The following AGBL1 variants were observed in gnomAD, a reference collection of about 807,000 sequenced individuals.
AGBL1 encodes AGBL carboxypeptidase 1, also known as cytosolic carboxypeptidase 4.
AGBL1 carries 130 observed loss-of-function variants against 118.9 expected under a neutral mutation model. The observed-to-expected ratio is 1.09, with a 90% CI of 0.95 to 1.26. The LOEUF is 1.26. Ranked by LOEUF, AGBL1 falls within the 50% of genes most tolerant of loss-of-function variation. The pLI, the probability that AGBL1 is intolerant of heterozygous loss-of-function variation, is 0.00. For synonymous variants in AGBL1, 555 were observed against 478.9 expected (o/e 1.16, Z -2.08); for missense variants, 1,584 against 1,298.1 (o/e 1.22, Z -3.38).
chr15:86,493,821 C>A (rs2082813248), intron 18 of AGBL1, among the ~76,000 whole-genome samples: 1 of 152,026 alleles, frequency 6.6e-6, no homozygotes, highest in South Asian at 2.1e-4. Context: ...AAAATTACTT[C>A]CTTTACAGTC....
In AGBL1 at chr15:86,080,154, G is replaced by T. The variant is rs1443190511; in HGVS notation, c.51+131G>T. 4 of 603,994 alleles carry T rather than the reference G, an allele frequency of 6.6e-6. 1 individual carries two copies. Among genetic ancestry groups the T allele is most frequent in the Admixed American group, 4.4e-5 (1 of 22,922 alleles). 37.4% of individuals were successfully genotyped at this position (603,994 alleles called of 1,614,324 possible). ...GTTTGTTAACAGCAAGAGAACAGGA[G>T]TCGGCTCTCACCTTGAAGCTGACCT... On this transcript the variant is annotated intron_variant, in intron 1 of 22. Transcript: ENST00000614907.
At chr15:86,285,131 A>T (rs1009338031) in intron 16 of AGBL1, among the ~76,000 whole-genome samples, 1 of 152,196 alleles carries the variant, frequency 6.6e-6, no homozygotes, top group African/African-American at 2.4e-5. Flanking sequence ...GAACAGGACA[A>T]AACCATTTTT....
intron 24 of AGBL1, among the ~76,000 whole-genome samples, chr15:87,018,071 G>C (rs1045771190): frequency 3.3e-5 from 5 of 151,972 alleles, no homozygotes; most frequent in African/African-American, 7.2e-5. Flanking sequence ...TAAGAATAGA[G>C]AAAAATAATG....
At chr15:86,970,725 C>A (rs2081099344) in intron 23 of AGBL1, among the ~76,000 whole-genome samples, 1 of 151,982 alleles carries the variant, frequency 6.6e-6, no homozygotes, top group South Asian at 2.1e-4. Context: ...GTTCCTACCA[C>A]ATTCAGTTTC....
At chr15:86,485,956 C>T (rs1364502772) in intron 18 of AGBL1, among the ~76,000 whole-genome samples, 1 of 151,948 alleles carries the variant, frequency 6.6e-6, no homozygotes, top group African/African-American at 2.4e-5. Flanking sequence ...ACATTAGACA[C>T]TCAGAAAGGC....
intron 22 of AGBL1, among the ~76,000 whole-genome samples, chr15:86,679,360 A>G (rs1198694877): frequency 6.6e-6 from 1 of 151,972 alleles, no homozygotes; most frequent in Admixed American, 6.6e-5. Flanking sequence ...AAAAATGTGT[A>G]TTTTTCACTA....
chr15:86,404,246 C>T (rs1275904828), intron 18 of AGBL1, among the ~76,000 whole-genome samples: 1 of 152,172 alleles, frequency 6.6e-6, no homozygotes, highest in Non-Finnish European at 1.5e-5. Context: ...GGTTCATCCT[C>T]ACTTCCTAGC....
At chr15:86,536,891 C>G (rs1245376580) in intron 19 of AGBL1, among the ~76,000 whole-genome samples, 1 of 152,190 alleles carries the variant, frequency 6.6e-6, no homozygotes, top group Non-Finnish European at 1.5e-5. Context: ...GAAGTGAAAA[C>G]AGAGGCTTCC....
rs1171633187 is a variant in AGBL1, at chr15:86,914,029, A to AAT, written c.*6736_*6737insTA. On this transcript the variant is annotated 3_prime_UTR_variant, in exon 23 of 23. Coordinates refer to ENST00000614907, the MANE Select transcript of AGBL1 (RefSeq NM_001386094.1). Reference sequence around the variant, plus strand: ...GCTCCTGGCAAAATAAGTAACACTTAAGCATAATTATTTGGAGCTATTCAG... The same window carrying AAT: ...GCTCCTGGCAAAATAAGTAACACTTAATAGCATAATTATTTGGAGCTATTCAG... The AAT allele has an allele frequency of 6.6e-6, 1 of 152,226 alleles. No individual in the cohort carries two copies. The highest frequency in any genetic ancestry group is 1.9e-4 in the East Asian group (1 of 5,200). The allele number at this position is 152,226 out of a possible 1,614,324, so 9.4% of individuals were successfully genotyped here. A position where few individuals can be genotyped will look rare whatever the true frequency, so the allele number is the denominator to read the frequency against.
chr15:86,693,468 A>G (rs914296426), intron 22 of AGBL1, among the ~76,000 whole-genome samples: 1 of 151,730 alleles, frequency 6.6e-6, no homozygotes, highest in Non-Finnish European at 1.5e-5. Context: ...TTTTCTTGCT[A>G]ATTTTTTGAG....
chr15:86,280,252 C>T lies in AGBL1; in HGVS notation c.2220+469C>T, dbSNP rs150270564. ...GTGCAAGTAGCCACGCCAGCATCTC[C>T]AGTGGTTCCAATGACCATGAGCTGG... On this transcript the variant is annotated intron_variant, in intron 16 of 22. Coordinates refer to ENST00000614907, the MANE Select transcript of AGBL1 (RefSeq NM_001386094.1). Among the ~76,000 whole-genome samples, 81 of 152,242 alleles carry T rather than the reference C, an allele frequency of 5.3e-4. No homozygotes were observed. The East Asian group carries it at 0.012, about 22-fold the overall frequency.
chr15:86,757,065 G>T (rs1046678675), intron 22 of AGBL1, among the ~76,000 whole-genome samples: 2 of 151,544 alleles, frequency 1.3e-5, no homozygotes, highest in Admixed American at 6.6e-5. Flanking sequence ...ATTAGGCTGA[G>T]AATTTACAAC....
chr15:86,946,747 T>C (rs1250307264), intron 23 of AGBL1, among the ~76,000 whole-genome samples: 1 of 145,016 alleles, frequency 6.9e-6, no homozygotes. Context: ...CTCGGGAGGC[T>C]GAGGCAGAAT....
intron 17 of AGBL1, among the ~76,000 whole-genome samples, chr15:86,320,714 T>C (rs2080092649): frequency 7.0e-6 from 1 of 142,176 alleles, no homozygotes; most frequent in South Asian, 2.2e-4. Context: ...ACTGAAGGTG[T>C]GTGTGTGCGT....
chr15:86,485,403 A>G (rs1213182441), intron 18 of AGBL1, among the ~76,000 whole-genome samples: 1 of 152,170 alleles, frequency 6.6e-6, no homozygotes, highest in Non-Finnish European at 1.5e-5. Flanking sequence ...ACTTATTTTA[A>G]TACATGTGCA....
intron 18 of AGBL1, among the ~76,000 whole-genome samples, chr15:86,404,648 C>T (rs966561327): frequency 2.0e-5 from 3 of 152,170 alleles, no homozygotes; most frequent in African/African-American, 7.2e-5. Flanking sequence ...ATGGAAGATA[C>T]TCTCTGAGAT....
chr15:86,120,342 G>C (rs571885512), intron 1 of AGBL1, among the ~76,000 whole-genome samples: 8 of 152,142 alleles, frequency 5.3e-5, no homozygotes, highest in African/African-American at 1.4e-4. Context: ...CACTCCTAAT[G>C]TTCCCATAGT....
At chr15:86,336,120 A>T (rs913027746) in intron 17 of AGBL1, among the ~76,000 whole-genome samples, 5 of 152,242 alleles carry the variant, frequency 3.3e-5, no homozygotes, top group Non-Finnish European at 7.3e-5. Flanking sequence ...GCCAAAACTC[A>T]GCCTCCACCT....
intron 1 of AGBL1, among the ~76,000 whole-genome samples, chr15:86,122,361 G>A (rs957628703): frequency 5.3e-5 from 8 of 152,348 alleles, no homozygotes; most frequent in African/African-American, 1.9e-4. Flanking sequence ...TAAAGAATAT[G>A]TATAGATACT....
Sources: allele counts gnomAD v4.1 joint callset (sites outside exome capture counted in the v4.1 genomes callset), GRCh38; gene constraint gnomAD v4.1.1; transcripts MANE v1.5; gene names NCBI Gene and HGNC (gene_info 2026-07-23, HGNC 2026-07-21).